The following SRGAP1 variants were observed in gnomAD, a reference collection of about 807,000 sequenced individuals.
SRGAP1 encodes SLIT-ROBO Rho GTPase-activating protein 1.
A neutral mutation model predicts 121.9 loss-of-function variants in SRGAP1; 43 were observed. That is an observed-to-expected ratio of 0.35 (90% confidence interval 0.28 to 0.46). SRGAP1 has a LOEUF of 0.46. SRGAP1 is among the 20% of genes least tolerant of loss of function. The pLI, the probability that SRGAP1 is intolerant of heterozygous loss-of-function variation, is 1.00. For synonymous variants in SRGAP1, 447 were observed against 485.4 expected, an observed-to-expected ratio of 0.92 and a Z score of 1.04; for missense variants, 1,102 against 1,350.9, an observed-to-expected ratio of 0.82 and a Z score of 2.89.
intron 11 of SRGAP1, 54 bp downstream of exon 11, chr12:64,087,080 G>A: frequency 7.4e-7 from 1 of 1,353,590 alleles, no homozygotes. Context: ...TCTTTAACAA[G>A]AAGCAACCAT....
intron 1 of SRGAP1, among the ~76,000 whole-genome samples, chr12:63,896,079 T>C (rs1001091189): frequency 6.6e-6 from 1 of 152,102 alleles, no homozygotes; most frequent in Non-Finnish European, 1.5e-5. Context: ...CACATACTCA[T>C]AGTGTGACCT....
chr12:63,927,241 A>T, intron 1 of SRGAP1, among the ~76,000 whole-genome samples: 1 of 152,182 alleles, frequency 6.6e-6, no homozygotes, highest in South Asian at 2.1e-4. Context: ...CAGTTCTAGA[A>T]CTTGCGCTTT....
intron 4 of SRGAP1, among the ~76,000 whole-genome samples, chr12:64,023,970 G>T (rs1593053576): frequency 6.6e-6 from 1 of 152,160 alleles, no homozygotes; most frequent in Non-Finnish European, 1.5e-5. Context: ...CTTAGAGAAG[G>T]ATGTGCAGAG....
intron 1 of SRGAP1, among the ~76,000 whole-genome samples, chr12:63,955,835 ATTCTT>A (rs2032447120): frequency 6.6e-6 from 1 of 152,130 alleles, no homozygotes; most frequent in African/African-American, 2.4e-5. Flanking sequence ...ATTTGAGCAA[ATTCTT>A]TTCTTTTAAT....
intron 6 of SRGAP1, among the ~76,000 whole-genome samples, chr12:64,060,355 C>A (rs573703112): frequency 6.6e-6 from 1 of 152,002 alleles, no homozygotes; most frequent in East Asian, 1.9e-4. Flanking sequence ...CCACAGCACC[C>A]ACCCCTATAC....
At position 64,155,359 on chromosome 12, in the gene SRGAP1, T is replaced by A. The variant is rs1343006943; in HGVS notation, c.*12687T>A. The stretch of plus-strand genomic sequence containing the variant: ...GAGTTTGAGACCAGCCTGGCCAACA[T>A]GGCGAAACCCCATCTCTACTAAAAA... On this transcript the variant is annotated 3_prime_UTR_variant, in exon 22 of 22. Transcript: ENST00000355086. 1 of 151,894 alleles carries A rather than the reference T, an allele frequency of 6.6e-6. No homozygotes were observed. Among genetic ancestry groups the A allele is most frequent in the Non-Finnish European group, 1.5e-5 (1 of 68,026 alleles). 9.4% of individuals were successfully genotyped at this position (151,894 alleles called of 1,614,324 possible).
At chr12:64,071,069 A>G in intron 8 of SRGAP1, among the ~76,000 whole-genome samples, 1 of 152,192 alleles carries the variant, frequency 6.6e-6, no homozygotes, top group East Asian at 1.9e-4. Flanking sequence ...CTAACAGGAA[A>G]ATCCTAAGTA....
In SRGAP1 at chr12:64,097,263, C is replaced by T. The variant is rs1433780869; in HGVS notation, c.1701C>T (p.Asp567=). Residue 567 remains aspartate, a synonymous_variant, in exon 15 of 22, where the codon GAC becomes GAT. Transcript: ENST00000355086. The part of the protein sequence containing the change: ...FERGENPLAD[D]QSNHDINSVA... ...TAGGTGAAAATCCTTTGGCTGATGA[C>T]CAGAGTAACCATGATATTAACTCAG... 1 of 1,598,458 alleles carries T rather than the reference C, an allele frequency of 6.3e-7. No homozygotes were observed. The highest frequency in any genetic ancestry group is 1.4e-5 in the African/African-American group (1 of 73,256).
At chr12:64,118,533 A>G (rs1388352433) in intron 18 of SRGAP1, among the ~76,000 whole-genome samples, 1 of 152,142 alleles carries the variant, frequency 6.6e-6, no homozygotes, top group African/African-American at 2.4e-5. Context: ...AAGTGCTGAG[A>G]TTATAGGCAT....
rs990410234 is a variant in SRGAP1 at position 63,964,825 on chromosome 12, A to G, written c.68-19122A>G. Among the ~76,000 whole-genome samples, 6 of 152,200 alleles carry G rather than the reference A, an allele frequency of 3.9e-5. No homozygotes were observed. The East Asian group carries it at 9.6e-4, about 24-fold the overall frequency. Reference sequence around the variant, plus strand: ...TTTAAGGCCCAATTCCCTGTTCACTATGTAATATTGAGTCACTTTTGTCCT... The same window carrying G: ...TTTAAGGCCCAATTCCCTGTTCACTGTGTAATATTGAGTCACTTTTGTCCT... On this transcript the variant is annotated intron_variant, in intron 1 of 21. Coordinates refer to ENST00000355086, the MANE Select transcript of SRGAP1 (RefSeq NM_020762.4).
chr12:63,946,578 C>G (rs975320347), intron 1 of SRGAP1, among the ~76,000 whole-genome samples: 1 of 148,962 alleles, frequency 6.7e-6, no homozygotes, highest in Non-Finnish European at 1.5e-5. Context: ...CTCACTCTCT[C>G]TCTCGCCCAC....
At chr12:63,861,613 A>G (rs1309023982) in intron 1 of SRGAP1, among the ~76,000 whole-genome samples, 2 of 151,970 alleles carry the variant, frequency 1.3e-5, no homozygotes, top group African/African-American at 4.8e-5. Context: ...ATAAATTTTT[A>G]TATGTAGTGT....
chr12:63,880,139 C>G lies in SRGAP1; in HGVS notation c.67+35256C>G, dbSNP rs551579969. Among the ~76,000 whole-genome samples the G allele has an allele frequency of 3.9e-5, 6 of 152,314 alleles. No homozygotes were observed. In the South Asian group the frequency reaches 1.2e-3, roughly 32 times the overall value. ...CAGTTCCCCTGCACACACTCTCTAG[C>G]CTGCTGCCATGTAAGACGTTCCTTT... On this transcript the variant is annotated intron_variant, in intron 1 of 21. Transcript: ENST00000355086.
chr12:64,087,882 G>A (rs1292157149), intron 11 of SRGAP1, among the ~76,000 whole-genome samples: 1 of 152,118 alleles, frequency 6.6e-6, no homozygotes, highest in East Asian at 1.9e-4. Context: ...TCATTCAGGG[G>A]AGGATTGTGA....
Position 64,048,821 on chromosome 12 carries a change from A to G in SRGAP1, c.801+5246A>G, listed in dbSNP as rs998479491. 6.6e-5 allele frequency among the ~76,000 whole-genome samples: 10 copies of G among 151,848 alleles called. 1 individual carries two copies. Among genetic ancestry groups the G allele is most frequent in the African/African-American group, 2.4e-4 (10 of 41,400 alleles). On this transcript the variant is annotated intron_variant, in intron 6 of 21. Transcript: ENST00000355086. ...GTCATCTTTTGAGATATCTCTATTTAGATCTTTTGCCTATTCTAAATTCAA... is the reference window on the plus strand; with the variant it reads ...GTCATCTTTTGAGATATCTCTATTTGGATCTTTTGCCTATTCTAAATTCAA...
Position 64,129,118 on chromosome 12 carries a change from T to A in SRGAP1, c.2880+918T>A, listed in dbSNP as rs1360232540. Among the ~76,000 whole-genome samples the A allele has an allele frequency of 3.9e-5, 6 of 152,194 alleles. No homozygotes were observed. In the South Asian group the frequency reaches 1.2e-3, roughly 32 times the overall value. On this transcript the variant is annotated intron_variant, in intron 21 of 21. Coordinates refer to ENST00000355086, the MANE Select transcript of SRGAP1 (RefSeq NM_020762.4). The stretch of plus-strand genomic sequence containing the variant: ...GTGTCTAAAAAAAAAAATTTTTTTT[T>A]AATTACCTAGGTATATTAGGATTCT...
chr12:63,870,915 A>G (rs1167761687), intron 1 of SRGAP1, among the ~76,000 whole-genome samples: 1 of 152,118 alleles, frequency 6.6e-6, no homozygotes, highest in Non-Finnish European at 1.5e-5. Flanking sequence ...AAGAGGTTGT[A>G]TCTCTTCAGC....
At chr12:64,086,962 C>G (rs779373791) in intron 10 of SRGAP1, 37 bp from the exon 11 acceptor site, 4 of 1,537,708 alleles carry the variant, frequency 2.6e-6, no homozygotes, top group Middle Eastern at 1.7e-4. Flanking sequence ...TCTGCTGATT[C>G]CTTTCAGTTT....
chr12:64,051,040 T>A (rs746857567), intron 6 of SRGAP1, among the ~76,000 whole-genome samples: 1 of 152,184 alleles, frequency 6.6e-6, no homozygotes, highest in African/African-American at 2.4e-5. Flanking sequence ...AGCAAAATTC[T>A]TTGTTGAAGA....
Sources: gnomAD v4.1 joint callset for allele counts (sites outside exome capture counted in the v4.1 genomes callset) on GRCh38, gnomAD v4.1.1 for gene constraint, MANE v1.5 for transcripts, NCBI Gene and HGNC (gene_info 2026-07-23, HGNC 2026-07-21) for gene names.